The following GDPD5 variants were observed in gnomAD, a reference collection of about 807,000 sequenced individuals.
GDPD5 encodes the protein glycerophosphodiester phosphodiesterase domain containing 5, also known as glycerophosphodiester phosphodiesterase 2.
In GDPD5, 48 loss-of-function variants were observed where a neutral mutation model predicts 75.1. The ratio of observed to expected loss-of-function variants is 0.64; its 90% CI spans 0.51 to 0.81. The LOEUF (loss-of-function observed/expected upper bound fraction) is 0.81. Ranked by LOEUF, GDPD5 falls within the 40% of genes least tolerant of loss-of-function variation. GDPD5 has a pLI of 0.00. For missense variants in GDPD5, 706 were observed against 822.6 expected, an observed-to-expected ratio of 0.86 and a Z score of 1.73; for synonymous variants, 336 against 339.0, an observed-to-expected ratio of 0.99 and a Z score of 0.10.
intron 1 of GDPD5, among the ~76,000 whole-genome samples, chr11:75,511,504 C>T (rs1950518263): frequency 6.6e-6 from 1 of 152,222 alleles, no homozygotes; most frequent in Non-Finnish European, 1.5e-5. Flanking sequence ...CCTAGCGTTT[C>T]CCAAATCTGT....
chr11:75,503,171 C>A (rs1333510326), intron 1 of GDPD5, among the ~76,000 whole-genome samples: 1 of 152,156 alleles, frequency 6.6e-6, no homozygotes, highest in Non-Finnish European at 1.5e-5. Context: ...ATGTGTGCAC[C>A]ACCATGCCCA....
chr11:75,501,763 G>A (rs2135454553), intron 1 of GDPD5, among the ~76,000 whole-genome samples: 1 of 152,218 alleles, frequency 6.6e-6, no homozygotes, highest in South Asian at 2.1e-4. Context: ...GGAGGCCACC[G>A]GCCCTGCTAG....
At chr11:75,508,138 A>G (rs1371221094) in intron 1 of GDPD5, 1 of 152,184 alleles carries the variant, frequency 6.6e-6, no homozygotes, top group African/African-American at 2.4e-5. Context: ...GTGGCTTTAC[A>G]TGGTCCCAGG....
intron 1 of GDPD5, among the ~76,000 whole-genome samples, chr11:75,506,008 A>G (rs1386616701): frequency 6.6e-6 from 1 of 152,104 alleles, no homozygotes; most frequent in African/African-American, 2.4e-5. Flanking sequence ...CTTGGTTCCA[A>G]TATCAGCTCC....
At chr11:75,521,959 G>C (rs1378910202) in intron 1 of GDPD5, among the ~76,000 whole-genome samples, 1 of 152,132 alleles carries the variant, frequency 6.6e-6, no homozygotes, top group Non-Finnish European at 1.5e-5. Flanking sequence ...AGCCACAGAG[G>C]CTTCTAAATG....
At chr11:75,455,841 G>A (rs754308206) in intron 6 of GDPD5, among the ~76,000 whole-genome samples, 1 of 152,236 alleles carries the variant, frequency 6.6e-6, no homozygotes, top group Non-Finnish European at 1.5e-5. Context: ...ACGTAAGGCA[G>A]AGAGTTAAGG....
At chr11:75,473,990 C>T (rs1389527502) in intron 3 of GDPD5, among the ~76,000 whole-genome samples, 1 of 152,120 alleles carries the variant, frequency 6.6e-6, no homozygotes, top group African/African-American at 2.4e-5. Context: ...TACTTATGAC[C>T]CCAGAGCAGG....
chr11:75,444,969 T>C (rs548951784), intron 9 of GDPD5, among the ~76,000 whole-genome samples: 1 of 152,138 alleles, frequency 6.6e-6, no homozygotes, highest in East Asian at 1.9e-4. Flanking sequence ...GGGGGAGACC[T>C]GGAAGAGAGG....
intron 3 of GDPD5, among the ~76,000 whole-genome samples, chr11:75,463,188 C>T (rs1327801200): frequency 6.6e-6 from 1 of 152,212 alleles, no homozygotes; most frequent in Non-Finnish European, 1.5e-5. Flanking sequence ...TCTCCCTATT[C>T]TGGGGACGGC....
Position 75,498,843 on chromosome 11 carries a change from T to A in GDPD5, c.-144-8523A>T, listed in dbSNP as rs1467700283. On this transcript the variant is annotated intron_variant, in intron 1 of 16. Coordinates refer to ENST00000336898, the MANE Select transcript of GDPD5 (RefSeq NM_030792.8). ...GGTCCTGGGCAATCAGCACCTTACA[T>A]GAGTCTGTTGACTCAGGAGGGAGAG... Among the ~76,000 whole-genome samples the A allele has an allele frequency of 1.7e-3, 42 of 24,690 alleles. 1 individual carries two copies. The highest frequency in any genetic ancestry group is 9.6e-4 in the Non-Finnish European group (7 of 7,318). 16.2% of individuals were successfully genotyped at this position (24,690 alleles called of 152,430 possible).
chr11:75,455,953 AC>A (rs1328624767), intron 6 of GDPD5, among the ~76,000 whole-genome samples: 1 of 152,200 alleles, frequency 6.6e-6, no homozygotes, highest in Non-Finnish European at 1.5e-5. Context: ...GAGCACCTTG[AC>A]TGGGTGGGTC....
At chr11:75,467,335 G>C (rs1328110050) in intron 3 of GDPD5, among the ~76,000 whole-genome samples, 1 of 152,190 alleles carries the variant, frequency 6.6e-6, no homozygotes, top group Non-Finnish European at 1.5e-5. Flanking sequence ...AATGAGGGTG[G>C]CTCACTGGGC....
At chr11:75,465,216 C>T (rs1328619060) in intron 3 of GDPD5, among the ~76,000 whole-genome samples, 1 of 152,232 alleles carries the variant, frequency 6.6e-6, no homozygotes, top group Non-Finnish European at 1.5e-5. Context: ...CCCAGGCCAG[C>T]TCTGTGCTTT....
chr11:75,448,414 T>C (rs151202046), intron 9 of GDPD5: 9,733 of 920,474 alleles, frequency 0.011, 69 homozygotes, highest in Non-Finnish European at 0.012. Flanking sequence ...ATGGAAACTG[T>C]TGGGCCTCCC....
intron 3 of GDPD5, among the ~76,000 whole-genome samples, chr11:75,476,393 T>C (rs1176445731): frequency 1.3e-5 from 2 of 151,160 alleles, no homozygotes; most frequent in Admixed American, 6.6e-5. Flanking sequence ...CAGTTCACCG[T>C]TGAGGGAGCT....
chr11:75,446,363 T>C (rs930842142), intron 9 of GDPD5, among the ~76,000 whole-genome samples: 2 of 152,150 alleles, frequency 1.3e-5, no homozygotes, highest in South Asian at 2.1e-4. Flanking sequence ...CCCAGAAGCA[T>C]ACACGTTGCT....
intron 9 of GDPD5, 59 bp from the exon 10 acceptor site, chr11:75,444,554 C>T: frequency 7.8e-7 from 1 of 1,290,178 alleles, no homozygotes; most frequent in South Asian, 1.2e-5. Context: ...CCCTCCCCAG[C>T]CAATGGAAAG....
At chr11:75,448,896 A>T in intron 9 of GDPD5, 81 bp downstream of exon 9, 2 of 1,418,808 alleles carry the variant, frequency 1.4e-6, no homozygotes, top group African/African-American at 1.5e-5. Context: ...TGCTACCATT[A>T]CATATATCCA....
intron 3 of GDPD5, among the ~76,000 whole-genome samples, chr11:75,471,835 G>A (rs1031725877): frequency 6.6e-6 from 1 of 152,140 alleles, no homozygotes; most frequent in Non-Finnish European, 1.5e-5. Context: ...CTTTATTGCA[G>A]CGATAAATCC....
Sources: allele counts gnomAD v4.1 joint callset (sites outside exome capture counted in the v4.1 genomes callset), GRCh38; gene constraint gnomAD v4.1.1; transcripts MANE v1.5; gene names NCBI Gene and HGNC (gene_info 2026-07-23, HGNC 2026-07-21).